VPS8: variants seen among roughly 807,000 people sequenced by gnomAD.
VPS8 encodes the protein VPS8 subunit of CORVET complex, also known as vacuolar protein sorting-associated protein 8 homolog.
In VPS8, 129 loss-of-function variants were observed where a neutral mutation model predicts 216.4. The observed-to-expected ratio is 0.60, with a 90% CI of 0.52 to 0.69. VPS8 has a LOEUF of 0.69. Among genes scored for constraint, VPS8 ranks in the 30% least tolerant of loss-of-function variants. VPS8 has a pLI of 0.00. For missense variants in VPS8, 1,531 were observed against 1,683.5 expected (o/e 0.91, Z 1.59); for synonymous variants, 571 against 565.4 (o/e 1.01, Z -0.14).
intron 46 of VPS8, among the ~76,000 whole-genome samples, chr3:185,026,683 A>G (rs929766720): frequency 2.1e-5 from 3 of 145,722 alleles, no homozygotes; most frequent in African/African-American, 7.7e-5. Flanking sequence ...TGCTGGGATT[A>G]CAGGCATGAG....
chr3:184,916,159 TG>T (rs1272688989), intron 28 of VPS8, among the ~76,000 whole-genome samples: 1 of 152,158 alleles, frequency 6.6e-6, no homozygotes, highest in Non-Finnish European at 1.5e-5. Context: ...GGAGTCGAAA[TG>T]GAACGCGGAA....
chr3:184,999,511 G>A (rs559960861), intron 44 of VPS8, among the ~76,000 whole-genome samples, 185 bp from the exon 45 acceptor site: 52 of 152,344 alleles, frequency 3.4e-4, no homozygotes, highest in Non-Finnish European at 1.5e-4. Flanking sequence ...ATATATGTAT[G>A]AATGTGGATT....
chr3:185,027,852 C>A lies in VPS8; in HGVS notation c.4056+3463C>A, dbSNP rs563785950. ...AATGACTGGACACAAGTGGCCCGGG[C>A]AGCATTCCTTTGTGATCAGATGCAG... On this transcript the variant is annotated intron_variant, in intron 46 of 47. Transcript: ENST00000625842. Among the ~76,000 whole-genome samples the A allele has an allele frequency of 2.0e-5, 3 of 152,272 alleles. No individual in the cohort carries two copies. In the South Asian group the frequency reaches 6.2e-4, roughly 32 times the overall value.
At chr3:185,048,652 T>G (rs1577286955) in intron 47 of VPS8, 93 bp downstream of exon 47, 5 of 1,416,594 alleles carry the variant, frequency 3.5e-6, no homozygotes, top group Non-Finnish European at 4.9e-6. Context: ...TCTAGCCTCC[T>G]TCTAGCCTGG....
chr3:184,982,974 T>A lies in VPS8; in HGVS notation c.3503-38T>A, dbSNP rs1336485225. On this transcript the variant is annotated intron_variant, in intron 41 of 47. Coordinates refer to ENST00000625842, the MANE Select transcript of VPS8 (RefSeq NM_001009921.3). ...TATAGGAAAAACTGAAAACTCTTAT[T>A]TTAAACTAACCTTAATGTTAATATT... The A allele has an allele frequency of 5.9e-6, 9 of 1,514,284 alleles. No homozygotes were observed. The South Asian group carries it at 1.0e-4, about 18-fold the overall frequency. 93.8% of individuals were successfully genotyped at this position (1,514,284 alleles called of 1,614,324 possible).
chr3:184,940,197 A>G lies in VPS8; in HGVS notation c.2989A>G (p.Asn997Asp), dbSNP rs1347162026. ...HIETVIKKLQ[N>D]QVLLFKFLRS... ...TAATTTTTATTGTTTTTCTGTTCAGAACCAGGTTTTGCTTTTCAAATTTTT... is the reference window on the plus strand; with the variant it reads ...TAATTTTTATTGTTTTTCTGTTCAGGACCAGGTTTTGCTTTTCAAATTTTT... Residue 997 changes from asparagine (N) to aspartate (D), a missense_variant and splice_region_variant, in exon 36 of 48, where the codon AAC becomes GAC. Asn to Asp is a conservative substitution (Grantham distance 23). Transcript: ENST00000625842. 4 of 1,496,260 alleles carry G rather than the reference A, an allele frequency of 2.7e-6. No individual in the cohort carries two copies. The highest frequency in any genetic ancestry group is 3.6e-6 in the Non-Finnish European group (4 of 1,115,410). The allele number at this position is 1,496,260 out of a possible 1,614,324, so 92.7% of individuals were successfully genotyped here. A position where few individuals can be genotyped will look rare whatever the true frequency, so the allele number is the denominator to read the frequency against.
chr3:184,968,025 C>T (rs1305554804), intron 39 of VPS8, among the ~76,000 whole-genome samples: 1 of 152,086 alleles, frequency 6.6e-6, no homozygotes, highest in African/African-American at 2.4e-5. Flanking sequence ...TATAAAGCAA[C>T]AGCTCCCCTA....
intron 21 of VPS8, among the ~76,000 whole-genome samples, chr3:184,884,602 C>A (rs941951822): frequency 6.6e-6 from 1 of 152,190 alleles, no homozygotes; most frequent in Non-Finnish European, 1.5e-5. Flanking sequence ...TCCTTGTCAT[C>A]TTCCTATGCT....
intron 36 of VPS8, 38 bp from the exon 37 acceptor site, chr3:184,957,336 C>G: frequency 6.4e-7 from 1 of 1,569,378 alleles, no homozygotes; most frequent in African/African-American, 1.4e-5. Context: ...TTAAATAATG[C>G]TACAATTGAG....
At chr3:184,958,913 G>A (rs1746048560) in intron 37 of VPS8, among the ~76,000 whole-genome samples, 1 of 152,080 alleles carries the variant, frequency 6.6e-6, no homozygotes, top group African/African-American at 2.4e-5. Context: ...AATAAGTTTA[G>A]TGTCATATTT....
intron 39 of VPS8, among the ~76,000 whole-genome samples, chr3:184,967,255 C>T (rs778141663): frequency 6.6e-6 from 1 of 152,114 alleles, no homozygotes; most frequent in Non-Finnish European, 1.5e-5. Context: ...TAAGCCACCA[C>T]GCTAGGCTGG....
At chr3:184,835,541 T>C (rs1416342055) in intron 5 of VPS8, among the ~76,000 whole-genome samples, 1 of 152,332 alleles carries the variant, frequency 6.6e-6, no homozygotes, top group South Asian at 2.1e-4. Context: ...CATAGTTTTA[T>C]GTAGTCTTTC....
chr3:184,823,827 ATAAG>A (rs1255771060), intron 1 of VPS8, among the ~76,000 whole-genome samples: 17 of 152,214 alleles, frequency 1.1e-4, no homozygotes, highest in African/African-American at 4.1e-4. Flanking sequence ...GATTTTTGAT[ATAAG>A]TGTGATCTAT....
At position 184,849,942 on chromosome 3, in the gene VPS8, A is replaced by G; in HGVS notation, c.673A>G (p.Met225Val). ...LCGFAKGQITMWDLASGKLLR... is the reference protein window; with the variant it reads ...LCGFAKGQITVWDLASGKLLR... ...GCACTTAGTTGTCTTATAGATCACC[A>G]TGTGGGATTTGGCCAGTGGAAAACT... Residue 225 changes from methionine (M) to valine (V), a missense_variant, in exon 10 of 48, where the codon ATG becomes GTG. Met to Val is a conservative substitution (Grantham distance 21). Transcript: ENST00000625842. 6.2e-7 allele frequency: 1 copy of G among 1,612,672 alleles called. No homozygotes were observed.
chr3:184,987,931 C>T (rs976927356), intron 42 of VPS8, among the ~76,000 whole-genome samples: 4 of 152,188 alleles, frequency 2.6e-5, no homozygotes, highest in Admixed American at 6.5e-5. Flanking sequence ...TTCTAGTAGA[C>T]GTGTAGTAGT....
At chr3:184,856,494 G>A (rs867485086) in intron 14 of VPS8, among the ~76,000 whole-genome samples, 5 of 152,144 alleles carry the variant, frequency 3.3e-5, no homozygotes, top group African/African-American at 4.8e-5. Context: ...AATCTCTTGC[G>A]TTTCCTAGCT....
At chr3:184,816,126 A>G (rs960536415) in intron 1 of VPS8, 9 of 152,232 alleles carry the variant, frequency 5.9e-5, no homozygotes, top group African/African-American at 2.2e-4. Context: ...TGGAGACAGT[A>G]TTATAGAAGC....
chr3:184,998,448 A>G (rs1752910472), intron 44 of VPS8, among the ~76,000 whole-genome samples: 1 of 141,844 alleles, frequency 7.1e-6, no homozygotes, highest in Non-Finnish European at 1.5e-5. Context: ...GAGCAAAGGT[A>G]GCTACAACAA....
intron 21 of VPS8, among the ~76,000 whole-genome samples, chr3:184,883,390 G>A (rs1333510886): frequency 6.6e-6 from 1 of 152,114 alleles, no homozygotes; most frequent in African/African-American, 2.4e-5. Context: ...GTGTTCCTCA[G>A]ATCTGCTGTG....
Sources: allele counts gnomAD v4.1 joint callset (sites outside exome capture counted in the v4.1 genomes callset), GRCh38; gene constraint gnomAD v4.1.1; transcripts MANE v1.5; gene names NCBI Gene and HGNC (gene_info 2026-07-23, HGNC 2026-07-21).